The following SOCS7 variants were observed in gnomAD, a reference collection of about 807,000 sequenced individuals.
SOCS7 encodes the protein suppressor of cytokine signaling 7, also known as NAP-4.
SOCS7 carries 18 observed loss-of-function variants against 58.9 expected under a neutral mutation model. The ratio of observed to expected loss-of-function variants is 0.31; its 90% CI spans 0.21 to 0.45. The LOEUF (loss-of-function observed/expected upper bound fraction) is 0.45. Among genes scored for constraint, SOCS7 ranks in the 20% least tolerant of loss-of-function variants. SOCS7 has a pLI of 1.00. For missense variants in SOCS7, 667 were observed against 837.3 expected (o/e 0.80, Z 2.51); for synonymous variants, 388 against 364.3 (o/e 1.06, Z -0.74).
intron 1 of SOCS7, among the ~76,000 whole-genome samples, chr17:38,355,312 C>T (rs958771250): frequency 1.3e-5 from 2 of 152,138 alleles, no homozygotes; most frequent in Non-Finnish European, 1.5e-5. Flanking sequence ...GAAGAGAAAT[C>T]TAGATGGAAT....
chr17:38,394,970 A>C (rs2038226412), intron 7 of SOCS7, among the ~76,000 whole-genome samples: 1 of 152,176 alleles, frequency 6.6e-6, no homozygotes, highest in Admixed American at 6.5e-5. Flanking sequence ...GGATTGCTTG[A>C]GTCTGGGAGG....
intron 7 of SOCS7, among the ~76,000 whole-genome samples, chr17:38,381,650 G>C (rs1241023392): frequency 6.6e-6 from 1 of 152,040 alleles, no homozygotes; most frequent in Non-Finnish European, 1.5e-5. Context: ...CCCAGAGCTG[G>C]ATGCAGTAGG....
intron 7 of SOCS7, among the ~76,000 whole-genome samples, chr17:38,394,627 A>G (rs897181339): frequency 6.6e-6 from 1 of 152,162 alleles, no homozygotes; most frequent in East Asian, 1.9e-4. Context: ...TCCCATTCCC[A>G]GCAGGGATAC....
chr17:38,352,354 C>G lies in SOCS7; in HGVS notation c.302C>G (p.Pro101Arg). Reference protein sequence around the residue: ...LCPRHRCALDPKALPPGLALE... With the variant: ...LCPRHRCALDRKALPPGLALE... ...CCCCGGCACCGCTGTGCCCTGGACC[C>G]CAAGGCCCTGCCGCCGGGCTTGGCG... The change falls in exon 1 of 10, where the codon CCC becomes CGC. Residue 101 changes from proline (P) to arginine (R), a missense_variant. Transcript: ENST00000612932. The surrounding 1 kb of genome is among the most constrained non-coding windows in gnomAD (Gnocchi z 5.5). 1 of 1,458,064 alleles carries G rather than the reference C, an allele frequency of 6.9e-7. No homozygotes were observed. The highest frequency in any genetic ancestry group is 9.0e-7 in the Non-Finnish European group (1 of 1,117,280). The allele number at this position is 1,458,064 out of a possible 1,614,324, so 90.3% of individuals were successfully genotyped here. A position where few individuals can be genotyped will look rare whatever the true frequency, so the allele number is the denominator to read the frequency against.
intron 9 of SOCS7, among the ~76,000 whole-genome samples, chr17:38,398,288 G>A (rs1026443131): frequency 2.0e-5 from 3 of 150,628 alleles, no homozygotes; most frequent in Non-Finnish European, 3.0e-5. Flanking sequence ...TGTTGCCCGG[G>A]CTGGAGTGCA....
intron 7 of SOCS7, among the ~76,000 whole-genome samples, chr17:38,380,166 G>A (rs1286632295): frequency 6.6e-6 from 1 of 152,192 alleles, no homozygotes; most frequent in African/African-American, 2.4e-5. Context: ...TACCCTGTCT[G>A]CAGATATTTT....
At chr17:38,363,625 G>GTAATT (rs1567737774) in intron 2 of SOCS7, among the ~76,000 whole-genome samples, 32 of 152,158 alleles carry the variant, frequency 2.1e-4, no homozygotes, top group African/African-American at 7.7e-4. Flanking sequence ...GTGACCCACT[G>GTAATT]CACCTGGTCT....
At chr17:38,387,112 T>C (rs1352253000) in intron 7 of SOCS7, among the ~76,000 whole-genome samples, 1 of 106,072 alleles carries the variant, frequency 9.4e-6, no homozygotes, top group Non-Finnish European at 1.8e-5. Context: ...AATATATATA[T>C]ATATATATAT....
At chr17:38,394,733 G>A (rs757653734) in intron 7 of SOCS7, among the ~76,000 whole-genome samples, 3 of 152,182 alleles carry the variant, frequency 2.0e-5, no homozygotes, top group Non-Finnish European at 4.4e-5. Context: ...CTACTCCGAG[G>A]AGCAGGACTC....
At chr17:38,385,852 TTTC>T (rs1193771112) in intron 7 of SOCS7, among the ~76,000 whole-genome samples, 2 of 152,160 alleles carry the variant, frequency 1.3e-5, no homozygotes, top group Non-Finnish European at 2.9e-5. Flanking sequence ...GTCTTCTGTA[TTTC>T]TTACAAATTA....
chr17:38,398,791 G>T (rs908934943), intron 9 of SOCS7, among the ~76,000 whole-genome samples: 5 of 152,154 alleles, frequency 3.3e-5, no homozygotes, highest in African/African-American at 1.2e-4. Context: ...GACAGAAGCT[G>T]CAGAAATACA....
chr17:38,364,349 CTGTT>C (rs2037758877), intron 2 of SOCS7, among the ~76,000 whole-genome samples: 1 of 152,174 alleles, frequency 6.6e-6, no homozygotes, highest in East Asian at 1.9e-4. Context: ...CTTTCCATGT[CTGTT>C]TGGGCATATA....
chr17:38,395,904 A>G lies in SOCS7; in HGVS notation c.1874A>G (p.Tyr625Cys). The G allele has an allele frequency of 6.2e-7, 1 of 1,612,030 alleles. No individual in the cohort carries two copies. The highest frequency in any genetic ancestry group is 8.5e-7 in the Non-Finnish European group (1 of 1,179,502). ...TACTATGATCCTCAGGAAGAGGTAT[A>G]CCTGTCTCTAAAGGAAGCGCAGCTC... is the stretch of plus-strand genomic sequence containing the variant. ...FYYYDPQEEV[Y>C]LSLKEAQLIS... The change falls in exon 9 of 10, where the codon TAC (tyrosine) becomes TGC (cysteine). Residue 625 changes from tyrosine (Y) to cysteine (C), a missense_variant. By Grantham distance (194) the Tyr-to-Cys change is radical (BLOSUM62 -2). Coordinates refer to ENST00000612932, the MANE Select transcript of SOCS7 (RefSeq NM_014598.4).
At chr17:38,372,520 C>T (rs772542326) in intron 6 of SOCS7, among the ~76,000 whole-genome samples, 8 of 152,252 alleles carry the variant, frequency 5.3e-5, no homozygotes, top group African/African-American at 1.2e-4. Flanking sequence ...TGTTGTGTGA[C>T]GCTAGTCATC....
chr17:38,378,267 G>C (rs2037957090), intron 7 of SOCS7, among the ~76,000 whole-genome samples: 3 of 152,204 alleles, frequency 2.0e-5, no homozygotes, highest in African/African-American at 7.2e-5. Context: ...GCTAGGCGTG[G>C]TGGCTCATGC....
rs200511569 is a variant in SOCS7, at chr17:38,380,641, A to AT, written c.1681+2799_1681+2800insT. 3.7e-3 allele frequency among the ~76,000 whole-genome samples: 566 copies of AT among 151,470 alleles called. 5 individuals are homozygous for AT. The highest frequency in any genetic ancestry group is 0.013 in the African/African-American group (546 of 41,236). On this transcript the variant is annotated intron_variant, in intron 7 of 9. Transcript: ENST00000612932. ...GCAAGACTCTGTCTCAAAAAAAAAA[A>AT]AATAATAATAATAATGATAATGATG...
At chr17:38,391,875 T>C (rs2038176906) in intron 7 of SOCS7, among the ~76,000 whole-genome samples, 1 of 152,178 alleles carries the variant, frequency 6.6e-6, no homozygotes, top group Non-Finnish European at 1.5e-5. Context: ...GAAAAACCTT[T>C]GGTGTGGCAG....
chr17:38,388,393 C>T (rs563190856), intron 7 of SOCS7, among the ~76,000 whole-genome samples: 7 of 151,934 alleles, frequency 4.6e-5, no homozygotes, highest in East Asian at 1.9e-4. Context: ...GTGGTGAGCA[C>T]GTGTAGTCCC....
chr17:38,368,155 G>A, intron 6 of SOCS7, 105 bp downstream of exon 6: 2 of 1,028,530 alleles, frequency 1.9e-6, no homozygotes, highest in East Asian at 2.5e-5. Context: ...CTACAAATAG[G>A]GGAAAAATTA....
Sources: allele counts gnomAD v4.1 joint callset (sites outside exome capture counted in the v4.1 genomes callset), GRCh38; gene constraint gnomAD v4.1.1; non-coding constraint Gnocchi (gnomAD v3.1); transcripts MANE v1.5; gene names NCBI Gene and HGNC (gene_info 2026-07-23, HGNC 2026-07-21).